Variants in ZBTB17 observed in about 807,000 individuals in gnomAD.
The protein encoded by ZBTB17 is zinc finger and BTB domain containing 17.
In ZBTB17, 24 loss-of-function variants were observed where a neutral mutation model predicts 85.1. The observed-to-expected ratio is 0.28, with a 90% CI of 0.20 to 0.40. The LOEUF is 0.40. Among genes scored for constraint, ZBTB17 ranks in the 10% least tolerant of loss-of-function variants. The pLI, the probability that ZBTB17 is intolerant of heterozygous loss-of-function variation, is 1.00. For synonymous variants in ZBTB17, 464 were observed against 460.2 expected (o/e 1.01, Z -0.11); for missense variants, 743 against 1,105.1 (o/e 0.67, Z 4.65).
At chr1:15,950,525 C>CCCA (rs1220601935) in intron 2 of ZBTB17, among the ~76,000 whole-genome samples, 1 of 152,210 alleles carries the variant, frequency 6.6e-6, no homozygotes, top group Non-Finnish European at 1.5e-5. Flanking sequence ...ACCCAGGAGC[C>CCCA]CCAAGTGCAG....
rs1397466012 is a variant in ZBTB17 at position 15,975,998 on chromosome 1, C to T, written c.-105G>A. ...TGACACTCACCTGCCATGTCCCGGA[C>T]CCCACCGCAGAGGGAGGTGCATCAC... On this transcript the variant is annotated 5_prime_UTR_variant, in exon 1 of 16. Coordinates refer to ENST00000375743, the MANE Select transcript of ZBTB17 (RefSeq NM_003443.3). 2 of 699,302 alleles carry T rather than the reference C, an allele frequency of 2.9e-6. No individual in the cohort carries two copies. The highest frequency in any genetic ancestry group is 2.6e-6 in the Non-Finnish European group (1 of 383,374). 43.3% of individuals were successfully genotyped at this position (699,302 alleles called of 1,614,324 possible). A position where few individuals can be genotyped will look rare whatever the true frequency, so the allele number is the denominator to read the frequency against.
chr1:15,947,034 G>A lies in ZBTB17; in HGVS notation c.295C>T (p.Leu99Phe), dbSNP rs759727631. The A allele has an allele frequency of 2.5e-6, 4 of 1,614,024 alleles. No individual in the cohort carries two copies. The South Asian group carries it at 3.3e-5, about 13-fold the overall frequency. ...VDDVLAVATF[L>F]QMQDIITACH... ...GCCGTGATGATGTCCTGCATTTGGA[G>A]GAAAGTGGCCACGGCCAGCACATCA... Residue 99 changes from leucine to phenylalanine, a missense_variant, in exon 4 of 16, where the codon CTC becomes TTC. Leu to Phe is a conservative substitution (Grantham distance 22). Transcript: ENST00000375743.
chr1:15,943,370 G>GC, intron 12 of ZBTB17, 29 bp downstream of exon 12: 1 of 1,581,820 alleles, frequency 6.3e-7, no homozygotes, highest in East Asian at 2.2e-5. Flanking sequence ...GGGGTGTCTG[G>GC]CCAGTGGGTG....
intron 3 of ZBTB17, 96 bp from the exon 4 acceptor site, chr1:15,947,219 A>C (rs1194940839): frequency 7.6e-7 from 1 of 1,308,142 alleles, no homozygotes; most frequent in Non-Finnish European, 1.0e-6. Context: ...GCAGGGATTT[A>C]GGAACAGCTG....
At position 15,948,283 on chromosome 1, in the gene ZBTB17, C is replaced by T. The variant is rs577312309; in HGVS notation, c.205+8G>A. 1.2e-5 allele frequency: 19 copies of T among 1,613,596 alleles called. No individual in the cohort carries two copies. The highest frequency in any genetic ancestry group is 4.5e-5 in the East Asian group (2 of 44,902). ...TCAGCAAGCTCAGCCCCAGCCCTGA[C>T]GGGGTACCTGCCGCGTTACTGATGT... On this transcript the variant is annotated splice_region_variant and intron_variant, in intron 3 of 15. Transcript: ENST00000375743.
intron 6 of ZBTB17, 124 bp downstream of exon 6, chr1:15,945,591 G>A: frequency 7.2e-7 from 1 of 1,389,998 alleles, no homozygotes; most frequent in Non-Finnish European, 9.7e-7. Flanking sequence ...CAAAGCTGAA[G>A]TGCATGGTGA....
At chr1:15,955,219 G>T (rs1280020271) in intron 2 of ZBTB17, among the ~76,000 whole-genome samples, 1 of 152,028 alleles carries the variant, frequency 6.6e-6, no homozygotes, top group Non-Finnish European at 1.5e-5. Flanking sequence ...ACCAGGCCAG[G>T]CTTGTGAGCA....
At position 15,973,820 on chromosome 1, in the gene ZBTB17, A is replaced by G. The variant is rs2072761024; in HGVS notation, c.-89-695T>C. 6.6e-6 allele frequency among the ~76,000 whole-genome samples: 1 copy of G among 152,222 alleles called. No homozygotes were observed. The highest frequency in any genetic ancestry group is 6.5e-5 in the Admixed American group (1 of 15,282). On this transcript the variant is annotated intron_variant, in intron 1 of 15. Coordinates refer to ENST00000375743, the MANE Select transcript of ZBTB17 (RefSeq NM_003443.3). This position sits in a 1 kb window ranked among gnomAD's most constrained non-coding sequence, Gnocchi z 4.1. ...TATTTCTCACTTGGATTATTCTAGC[A>G]GGCTCTTAATTGGCCTACAGGCCCA... is the stretch of plus-strand genomic sequence containing the variant.
chr1:15,967,912 T>C (rs2072501444), intron 2 of ZBTB17, among the ~76,000 whole-genome samples: 1 of 152,262 alleles, frequency 6.6e-6, no homozygotes, highest in Non-Finnish European at 1.5e-5. Context: ...TTTGTGTTCC[T>C]AACTGCTACC....
At chr1:15,971,531 CTATA>C (rs1236685915) in intron 2 of ZBTB17, among the ~76,000 whole-genome samples, 2 of 136,654 alleles carry the variant, frequency 1.5e-5, no homozygotes, top group Non-Finnish European at 1.6e-5. Context: ...TACACACACA[CTATA>C]TATATACACA....
At chr1:15,947,562 GT>G (rs1453686761) in intron 3 of ZBTB17, among the ~76,000 whole-genome samples, 1 of 151,870 alleles carries the variant, frequency 6.6e-6, no homozygotes, top group Non-Finnish European at 1.5e-5. Flanking sequence ...GGAGGACAGA[GT>G]GTGAATGCCT....
In ZBTB17 at chr1:15,945,801, G is replaced by A. The variant is rs200248719; in HGVS notation, c.575C>T (p.Pro192Leu). The A allele has an allele frequency of 7.5e-6, 12 of 1,603,298 alleles. No individual in the cohort carries two copies. The African/African-American group carries it at 1.2e-4, about 16-fold the overall frequency. Residue 192 changes from proline (P) to leucine (L), a missense_variant, in exon 6 of 16, where the codon CCG becomes CTG. Physicochemically the swap from Pro to Leu is moderately conservative, Grantham distance 98. Transcript: ENST00000375743. ...QTEKADAPRE[P>L]PPVELKPDPT... is the part of the protein sequence containing the mutation. ...GTCTGGCTTGAGCTCCACAGGCGGC[G>A]GCTCCCGGGGCGCATCGGCTTTCTC...
intron 6 of ZBTB17, 53 bp downstream of exon 6, chr1:15,945,662 G>A: frequency 6.3e-7 from 1 of 1,598,118 alleles, no homozygotes; most frequent in Middle Eastern, 1.9e-4. Flanking sequence ...AGTGGAGGCA[G>A]GGCCCTGGGA....
rs2072444977 is a variant in ZBTB17, at chr1:15,966,447, G to A, written c.-3+6592C>T. On this transcript the variant is annotated intron_variant, in intron 2 of 15. Transcript: ENST00000375743. This position sits in a 1 kb window ranked among gnomAD's most constrained non-coding sequence, Gnocchi z 4.1. ...CTTTCTGGCCCGCTCTCCACTCGCA[G>A]CGGGAATTCCCACCTCTGAGCCTCT... is the stretch of plus-strand genomic sequence containing the variant. 6.6e-6 allele frequency among the ~76,000 whole-genome samples: 1 copy of A among 152,178 alleles called. No individual in the cohort carries two copies.
chr1:15,948,783 A>G (rs906535495), intron 2 of ZBTB17, among the ~76,000 whole-genome samples: 2 of 152,246 alleles, frequency 1.3e-5, no homozygotes, highest in African/African-American at 2.4e-5. Flanking sequence ...CAGCCTGATA[A>G]TAACATGAAA....
At chr1:15,971,791 G>A (rs903677491) in intron 2 of ZBTB17, among the ~76,000 whole-genome samples, 3 of 152,130 alleles carry the variant, frequency 2.0e-5, no homozygotes, top group Middle Eastern at 6.8e-3. Context: ...TTTTACAGAT[G>A]AGGAAACTGA....
At position 15,942,740 on chromosome 1, in the gene ZBTB17, T is replaced by TG; in HGVS notation, c.1829-3dup. ...TATCACACAGGTAAGGCTTCTCTCC[T>TG]GGGGGAGCAAGGTTCTCTCTTGCCT... On this transcript the variant is annotated splice_polypyrimidine_tract_variant and splice_region_variant and intron_variant, in intron 13 of 15. Transcript: ENST00000375743. 6.8e-6 allele frequency: 11 copies of TG among 1,612,964 alleles called. No individual in the cohort carries two copies. Among genetic ancestry groups the TG allele is most frequent in the Non-Finnish European group, 8.5e-6 (10 of 1,179,930 alleles).
At chr1:15,958,939 C>G (rs2072150940) in intron 2 of ZBTB17, among the ~76,000 whole-genome samples, 1 of 152,186 alleles carries the variant, frequency 6.6e-6, no homozygotes, top group Admixed American at 6.5e-5. Flanking sequence ...GCCTCAGTGA[C>G]AACCTTGGCA....
chr1:15,946,259 T>C lies in ZBTB17; in HGVS notation c.430A>G (p.Thr144Ala), dbSNP rs2071607219. 1.9e-6 allele frequency: 3 copies of C among 1,613,854 alleles called. No individual in the cohort carries two copies. Among genetic ancestry groups the C allele is most frequent in the East Asian group, 2.2e-5 (1 of 44,876 alleles). The change falls in exon 5 of 16, where the codon ACC (threonine) becomes GCC (alanine). Residue 144 changes from threonine (T) to alanine (A), a missense_variant. Physicochemically the swap from Thr to Ala is moderately conservative, Grantham distance 58. This residue lies in a region of ZBTB17 where 279 missense variants were observed against 269.9 expected (regional missense o/e 1.03). Transcript: ENST00000375743. Reference protein sequence around the residue: ...DKRAKEEKVATSTLSRLEQAG... With the variant: ...DKRAKEEKVAASTLSRLEQAG... ...TGCTCCAGCCTGCTCAGCGTGCTGG[T>C]GGCCACCTTCTCCTCTTTGGCTCTC...
Sources: allele counts gnomAD v4.1 joint callset (sites outside exome capture counted in the v4.1 genomes callset), GRCh38; gene constraint gnomAD v4.1.1; regional missense constraint gnomAD v4.1.1; non-coding constraint Gnocchi (gnomAD v3.1); transcripts MANE v1.5; gene names NCBI Gene and HGNC (gene_info 2026-07-23, HGNC 2026-07-21).